CSGALNACT2: variants seen among roughly 807,000 people sequenced by gnomAD.
CSGALNACT2 encodes the protein beta 4 GalNAcT-2.
In CSGALNACT2, 35 loss-of-function variants were observed where a neutral mutation model predicts 55.3. The observed-to-expected ratio is 0.63, with a 90% CI of 0.48 to 0.84. CSGALNACT2 has a LOEUF of 0.84. Among genes scored for constraint, CSGALNACT2 ranks in the 40% least tolerant of loss-of-function variants. The pLI is 0.00. For synonymous variants in CSGALNACT2, 196 were observed against 224.9 expected (o/e 0.87, Z 1.15); for missense variants, 544 against 657.5 (o/e 0.83, Z 1.89).
At chr10:43,140,918 A>G (rs941427976) in intron 1 of CSGALNACT2, among the ~76,000 whole-genome samples, 5 of 152,234 alleles carry the variant, frequency 3.3e-5, no homozygotes, top group African/African-American at 1.2e-4. Context: ...GAAGCTTCAG[A>G]CCAAACAAAT....
At position 43,158,739 on chromosome 10, in the gene CSGALNACT2, A is replaced by AAG; in HGVS notation, c.686_687insAG (p.Thr231AlafsTer19). 1 of 1,606,964 alleles carries AAG rather than the reference A, an allele frequency of 6.2e-7. No individual in the cohort carries two copies. The highest frequency in any genetic ancestry group is 8.5e-7 in the Non-Finnish European group (1 of 1,173,702). ...GGTTATTATCGCACTGAGAGAGATA[A>AAG]GGGCACACAGTATGAACTCTTTTTT... On this transcript the variant is annotated frameshift_variant, in exon 3 of 8. Coordinates refer to ENST00000374466, the MANE Select transcript of CSGALNACT2 (RefSeq NM_018590.5). LOFTEE classifies it high-confidence loss of function.
intron 1 of CSGALNACT2, among the ~76,000 whole-genome samples, chr10:43,150,234 TTCTA>T (rs1340037572): frequency 6.6e-6 from 1 of 152,212 alleles, no homozygotes; most frequent in Non-Finnish European, 1.5e-5. Flanking sequence ...TTTTGTTAGT[TTCTA>T]TCTTTCTAGG....
At chr10:43,154,183 T>G (rs958694913) in intron 1 of CSGALNACT2, among the ~76,000 whole-genome samples, 1 of 152,210 alleles carries the variant, frequency 6.6e-6, no homozygotes, top group African/African-American at 2.4e-5. Context: ...CCGTTATTAC[T>G]GTAACAGAAA....
rs889832831 is a variant in CSGALNACT2, at chr10:43,155,961, G to A, written c.661+151G>A. The A allele has an allele frequency of 6.5e-6, 5 of 765,966 alleles. No homozygotes were observed. The African/African-American group carries it at 7.1e-5, about 11-fold the overall frequency. 47.4% of individuals were successfully genotyped at this position (765,966 alleles called of 1,614,324 possible). A position where few individuals can be genotyped will look rare whatever the true frequency, so the allele number is the denominator to read the frequency against. ...TAATATAAGTCAGTCATTATCCACA[G>A]TATTAAAACACTGAAAGTTTTTGCA... On this transcript the variant is annotated intron_variant, in intron 2 of 7. Coordinates refer to ENST00000374466, the MANE Select transcript of CSGALNACT2 (RefSeq NM_018590.5).
At chr10:43,168,080 A>G (rs946411454) in intron 6 of CSGALNACT2, among the ~76,000 whole-genome samples, 2 of 152,216 alleles carry the variant, frequency 1.3e-5, no homozygotes, top group African/African-American at 4.8e-5. Context: ...AGTTTTCTAA[A>G]TTATAAATAA....
At chr10:43,174,360 T>G (rs970172769) in intron 6 of CSGALNACT2, among the ~76,000 whole-genome samples, 1 of 152,178 alleles carries the variant, frequency 6.6e-6, no homozygotes. Flanking sequence ...TTCTCAAAAT[T>G]TGTCACCTCT....
intron 4 of CSGALNACT2, among the ~76,000 whole-genome samples, chr10:43,160,816 G>A (rs1016707621): frequency 6.6e-6 from 1 of 152,166 alleles, no homozygotes; most frequent in East Asian, 1.9e-4. Context: ...TGCTTTCTCT[G>A]TGGCCCACTC....
At chr10:43,166,545 A>G (rs954395917) in intron 5 of CSGALNACT2, among the ~76,000 whole-genome samples, 6 of 152,232 alleles carry the variant, frequency 3.9e-5, no homozygotes, top group East Asian at 1.9e-4. Context: ...GATTTATTCT[A>G]TATTTTCATT....
At chr10:43,177,059 G>A (rs1175971480) in intron 7 of CSGALNACT2, among the ~76,000 whole-genome samples, 1 of 151,824 alleles carries the variant, frequency 6.6e-6, no homozygotes, top group East Asian at 1.9e-4. Context: ...CTTTTGTTTT[G>A]GAAATCCCCC....
chr10:43,169,366 G>A (rs949470244), intron 6 of CSGALNACT2, among the ~76,000 whole-genome samples: 34 of 152,346 alleles, frequency 2.2e-4, no homozygotes, highest in African/African-American at 8.2e-4. Flanking sequence ...ATTAACACAT[G>A]AGTATATGAA....
At chr10:43,173,466 A>G (rs1257360110) in intron 6 of CSGALNACT2, among the ~76,000 whole-genome samples, 1 of 152,250 alleles carries the variant, frequency 6.6e-6, no homozygotes, top group Non-Finnish European at 1.5e-5. Flanking sequence ...ATTAACAATA[A>G]GGATTATGGA....
At chr10:43,166,932 A>C in intron 5 of CSGALNACT2, 72 bp from the exon 6 acceptor site, 1 of 831,912 alleles carries the variant, frequency 1.2e-6, no homozygotes, top group Non-Finnish European at 2.0e-6. Flanking sequence ...GATAAAACTT[A>C]ATAGATATTG....
chr10:43,146,997 CG>C (rs61648971), intron 1 of CSGALNACT2, among the ~76,000 whole-genome samples: 54,986 of 55,388 alleles, frequency 0.99, 27,292 homozygotes, highest in Middle Eastern at 1. Context: ...TTTGTGGAGA[CG>C]GGAGTCTCGC....
intron 6 of CSGALNACT2, among the ~76,000 whole-genome samples, chr10:43,168,699 C>A (rs1839321151): frequency 6.6e-6 from 1 of 151,732 alleles, no homozygotes; most frequent in East Asian, 1.9e-4. Context: ...CACACACACA[C>A]ACACACACAC....
chr10:43,172,472 G>A (rs1005806793), intron 6 of CSGALNACT2, among the ~76,000 whole-genome samples: 3 of 152,184 alleles, frequency 2.0e-5, no homozygotes, highest in Non-Finnish European at 4.4e-5. Flanking sequence ...TCTGAGGTAT[G>A]TAGTATTACT....
At position 43,172,343 on chromosome 10, in the gene CSGALNACT2, A is replaced by G. The variant is rs534416093; in HGVS notation, c.1255-3608A>G. Among the ~76,000 whole-genome samples, 130 of 152,366 alleles carry G rather than the reference A, an allele frequency of 8.5e-4. 1 individual carries two copies. The highest frequency in any genetic ancestry group is 1.2e-3 in the Non-Finnish European group (82 of 68,034). On this transcript the variant is annotated intron_variant, in intron 6 of 7. Coordinates refer to ENST00000374466, the MANE Select transcript of CSGALNACT2 (RefSeq NM_018590.5). ...CTAAAAAGCGGGAAATAGCGTATCT[A>G]TATTTTAGGTAACATTTAAATGATG...
chr10:43,164,176 C>A, intron 5 of CSGALNACT2, 132 bp downstream of exon 5: 1 of 668,000 alleles, frequency 1.5e-6, no homozygotes, highest in Non-Finnish European at 2.4e-6. Context: ...TTATATTAGG[C>A]ATAATTTAAC....
intron 1 of CSGALNACT2, among the ~76,000 whole-genome samples, chr10:43,139,525 A>G (rs1723629997): frequency 6.6e-6 from 1 of 152,262 alleles, no homozygotes; most frequent in Non-Finnish European, 1.5e-5. Flanking sequence ...TATGAAATCA[A>G]TAAGAGCACG....
chr10:43,142,725 A>G (rs1405359451), intron 1 of CSGALNACT2, among the ~76,000 whole-genome samples: 1 of 152,210 alleles, frequency 6.6e-6, no homozygotes, highest in African/African-American at 2.4e-5. Flanking sequence ...TCAGAAATGG[A>G]CTTATGCATA....
Sources: gnomAD v4.1 joint callset for allele counts (sites outside exome capture counted in the v4.1 genomes callset) on GRCh38, gnomAD v4.1.1 for gene constraint, MANE v1.5 for transcripts, NCBI Gene and HGNC (gene_info 2026-07-23, HGNC 2026-07-21) for gene names.